Variants in PBRM1 observed in about 807,000 individuals in gnomAD.
PBRM1 encodes protein polybromo-1.
PBRM1 carries 27 observed loss-of-function variants against 194.5 expected under a neutral mutation model. The observed-to-expected ratio is 0.14, with a 90% confidence interval of 0.10 to 0.19. PBRM1 has a LOEUF of 0.19. Among genes scored for constraint, PBRM1 ranks in the 10% least tolerant of loss-of-function variants. The pLI, the probability that PBRM1 is intolerant of heterozygous loss-of-function variation, is 1.00. For missense variants in PBRM1, 1,466 were observed against 2,077.2 expected (o/e 0.71, Z 5.72); for synonymous variants, 655 against 693.2 (o/e 0.94, Z 0.87).
intron 20 of PBRM1, among the ~76,000 whole-genome samples, chr3:52,581,674 T>C (rs1247690668): frequency 2.0e-5 from 3 of 151,758 alleles, no homozygotes; most frequent in African/African-American, 2.4e-5. Context: ...AGTCTCCCTC[T>C]GTCTCCAGGC....
At chr3:52,578,900 G>T in intron 21 of PBRM1, 154 bp downstream of exon 23, 1 of 743,354 alleles carries the variant, frequency 1.3e-6, no homozygotes, top group Non-Finnish European at 2.4e-6. Context: ...ATAATTTAAG[G>T]AAGAAAGTGT....
upstream of PBRM1, among the ~76,000 whole-genome samples, chr3:52,682,499 A>G (rs1238195598): frequency 2.0e-5 from 3 of 152,220 alleles, no homozygotes; most frequent in Non-Finnish European, 4.4e-5. Flanking sequence ...CGGATGACAC[A>G]ATATCCCAAT....
chr3:52,645,617 CATT>C (rs2096269571), intron 7 of PBRM1, among the ~76,000 whole-genome samples: 1 of 151,516 alleles, frequency 6.6e-6, no homozygotes, highest in Non-Finnish European at 1.5e-5. Context: ...GTTTTGGGGC[CATT>C]ATTAAGTAAA....
intron 17 of PBRM1, among the ~76,000 whole-genome samples, chr3:52,592,635 T>C (rs996337524): frequency 2.6e-5 from 4 of 152,234 alleles, no homozygotes; most frequent in African/African-American, 7.2e-5. Flanking sequence ...CTGTTATCTC[T>C]GCCAGGTTTT....
intron 2 of PBRM1, among the ~76,000 whole-genome samples, chr3:52,678,262 T>C (rs916539612): frequency 6.6e-6 from 1 of 152,152 alleles, no homozygotes; most frequent in African/African-American, 2.4e-5. Context: ...CTCCTGTGCC[T>C]GGCTCAAAAA....
chr3:52,577,780 C>T (rs992691117), intron 21 of PBRM1, among the ~76,000 whole-genome samples: 2 of 152,180 alleles, frequency 1.3e-5, no homozygotes, highest in African/African-American at 2.4e-5. Flanking sequence ...GCATCCTAGG[C>T]GGTGGATCTC....
intron 13 of PBRM1, among the ~76,000 whole-genome samples, chr3:52,618,583 A>G (rs1420704264): frequency 6.7e-6 from 1 of 149,116 alleles, no homozygotes; most frequent in East Asian, 2.0e-4. Context: ...GAAATGACTT[A>G]TGACTTAGTT....
At chr3:52,634,549 G>T in intron 11 of PBRM1, 53 bp downstream of exon 12, 1 of 1,182,462 alleles carries the variant, frequency 8.5e-7, no homozygotes, top group Non-Finnish European at 1.3e-6. Context: ...ATTATGTGCA[G>T]GCTCAGCCAC....
At chr3:52,627,240 T>G in intron 13 of PBRM1, 33 bp downstream of exon 14, 25 of 1,186,558 alleles carry the variant, frequency 2.1e-5, no homozygotes, top group Non-Finnish European at 3.0e-5. Context: ...TAACAGGAAC[T>G]GAGATGTCCC....
chr3:52,674,642 AAATATAT>A (rs1268364663), intron 2 of PBRM1, among the ~76,000 whole-genome samples: 3 of 69,628 alleles, frequency 4.3e-5, no homozygotes, highest in Non-Finnish European at 7.6e-5. Context: ...AAAAAAAAAA[AAATATAT>A]ATATATATAT....
intron 2 of PBRM1, among the ~76,000 whole-genome samples, chr3:52,675,548 G>A (rs1399237208): frequency 1.3e-5 from 2 of 152,240 alleles, no homozygotes; most frequent in Admixed American, 6.5e-5. Context: ...TGAACAAGGT[G>A]TTGAAGTGGT....
chr3:52,556,327 T>C (rs910547315), intron 26 of PBRM1, among the ~76,000 whole-genome samples: 2 of 131,068 alleles, frequency 1.5e-5, no homozygotes, highest in Non-Finnish European at 3.1e-5. Flanking sequence ...TGAGTTTTCA[T>C]TTTTTTTTAA....
intron 21 of PBRM1, among the ~76,000 whole-genome samples, chr3:52,577,116 T>C (rs1450853248): frequency 6.6e-6 from 1 of 152,206 alleles, no homozygotes; most frequent in South Asian, 2.1e-4. Flanking sequence ...CAGTGGTTTA[T>C]AATCTTTTTG....
chr3:52,598,130 C>T (rs2093708667), intron 17 of PBRM1, among the ~76,000 whole-genome samples: 2 of 152,148 alleles, frequency 1.3e-5, no homozygotes, highest in African/African-American at 4.8e-5. Flanking sequence ...CATAATTCAC[C>T]TATTTAAAGT....
At chr3:52,558,198 AT>A (rs1267347712) in intron 26 of PBRM1, 50 bp downstream of exon 28, 9 of 1,365,220 alleles carry the variant, frequency 6.6e-6, no homozygotes, top group African/African-American at 1.5e-5. Flanking sequence ...GAAAAAAAAA[AT>A]GAAGGAATTT....
intron 11 of PBRM1, among the ~76,000 whole-genome samples, chr3:52,631,429 C>T (rs181632622): frequency 1.3e-5 from 2 of 152,302 alleles, no homozygotes; most frequent in Admixed American, 1.3e-4. Flanking sequence ...CATTAAATAT[C>T]TGCCATGAAG....
intron 21 of PBRM1, among the ~76,000 whole-genome samples, chr3:52,578,526 ACT>A (rs1393740343): frequency 1.3e-5 from 2 of 151,882 alleles, no homozygotes; most frequent in South Asian, 2.1e-4. Context: ...CCTATACCAG[ACT>A]CTGCTGTGTT....
At chr3:52,612,749 C>CA (rs2094705072) in intron 15 of PBRM1, among the ~76,000 whole-genome samples, 1 of 151,678 alleles carries the variant, frequency 6.6e-6, no homozygotes, top group African/African-American at 2.4e-5. Context: ...ATTAAAAATA[C>CA]AAAAAAATTA....
chr3:52,676,739 G>A (rs1334649531), intron 2 of PBRM1, among the ~76,000 whole-genome samples: 1 of 152,156 alleles, frequency 6.6e-6, no homozygotes, highest in East Asian at 1.9e-4. Flanking sequence ...AGGAAAATGT[G>A]GGAGTTTGGA....
Sources: allele counts gnomAD v4.1 joint callset (sites outside exome capture counted in the v4.1 genomes callset), GRCh38; gene constraint gnomAD v4.1.1; transcripts MANE v1.5; gene names NCBI Gene and HGNC (gene_info 2026-07-23, HGNC 2026-07-21).